The following DST variants were observed in gnomAD, a reference collection of about 807,000 sequenced individuals.
DST encodes bullous pemphigoid antigen.
A neutral mutation model predicts 875.2 loss-of-function variants in DST; 253 were observed. That is an observed-to-expected ratio of 0.29 (90% CI 0.26 to 0.32). The LOEUF is 0.32. Among genes scored for constraint, DST ranks in the 10% least tolerant of loss-of-function variants. DST has a pLI of 1.00. For synonymous variants in DST, 3,124 were observed against 3,197.1 expected, an observed-to-expected ratio of 0.98 and a Z score of 0.77; for missense variants, 8,287 against 9,111.6, an observed-to-expected ratio of 0.91 and a Z score of 3.68.
chr6:56,795,991 G>C (rs1191585370), intron 4 of DST, among the ~76,000 whole-genome samples: 2 of 152,158 alleles, frequency 1.3e-5, no homozygotes, highest in African/African-American at 2.4e-5. Context: ...TTGTAATCAA[G>C]TCTTGAGACC....
In DST at chr6:56,501,750, A is replaced by G. The variant is rs1392183113; in HGVS notation, c.19567-57T>C. On this transcript the variant is annotated intron_variant, in intron 78 of 103. Transcript: ENST00000680361. ...TGTTAAAAATCACTAACTCCAAACA[A>G]AGAAATCTATTGGTTATATCATTAT... is the stretch of plus-strand genomic sequence containing the variant. 2.3e-6 allele frequency: 3 copies of G among 1,279,280 alleles called. No homozygotes were observed. In the East Asian group the frequency reaches 7.7e-5, roughly 33 times the overall value. 79.2% of individuals were successfully genotyped at this position (1,279,280 alleles called of 1,614,324 possible). A position where few individuals can be genotyped will look rare whatever the true frequency, so the allele number is the denominator to read the frequency against.
intron 59 of DST, among the ~76,000 whole-genome samples, chr6:56,556,075 G>A (rs550604120): frequency 6.6e-6 from 1 of 152,078 alleles, no homozygotes; most frequent in East Asian, 1.9e-4. Context: ...GAAAAATATG[G>A]ACAAAATGAA....
At chr6:56,855,777 A>G (rs1416544340) in intron 3 of DST, among the ~76,000 whole-genome samples, 1 of 152,214 alleles carries the variant, frequency 6.6e-6, no homozygotes, top group Non-Finnish European at 1.5e-5. Context: ...ACACCATCCC[A>G]TGGCAGGGTA....
intron 10 of DST, among the ~76,000 whole-genome samples, chr6:56,659,910 G>A (rs2099029973): frequency 6.6e-6 from 1 of 152,204 alleles, no homozygotes; most frequent in Non-Finnish European, 1.5e-5. Context: ...CTTTGGGTAG[G>A]TGGAGAGAGG....
chr6:56,623,439 C>G (rs1203850820), intron 36 of DST, among the ~76,000 whole-genome samples: 1 of 151,930 alleles, frequency 6.6e-6, no homozygotes, highest in Non-Finnish European at 1.5e-5. Context: ...AAGATGGTCA[C>G]AAATATCCTG....
chr6:56,860,811 G>C (rs1562208517), intron 3 of DST, among the ~76,000 whole-genome samples: 1 of 152,136 alleles, frequency 6.6e-6, no homozygotes, highest in Non-Finnish European at 1.5e-5. Flanking sequence ...CTTAATAACA[G>C]CTCTCAGGAT....
At chr6:56,932,650 A>C (rs1312154575) in intron 2 of DST, among the ~76,000 whole-genome samples, 1 of 152,084 alleles carries the variant, frequency 6.6e-6, no homozygotes, top group African/African-American at 2.4e-5. Flanking sequence ...AGCCAACATC[A>C]AATATTCAAC....
chr6:56,592,970 T>G (rs1382502753), intron 48 of DST, among the ~76,000 whole-genome samples: 1 of 152,072 alleles, frequency 6.6e-6, no homozygotes, highest in Non-Finnish European at 1.5e-5. Flanking sequence ...AATAACATAC[T>G]GATCAAATAT....
intron 36 of DST, among the ~76,000 whole-genome samples, chr6:56,623,723 C>A (rs2098709827): frequency 6.6e-6 from 1 of 152,084 alleles, no homozygotes; most frequent in African/African-American, 2.4e-5. Context: ...AACATTCATT[C>A]TACTATTTTT....
intron 36 of DST, chr6:56,618,686 T>C (rs763964479): frequency 6.2e-6 from 10 of 1,613,820 alleles, no homozygotes; most frequent in Non-Finnish European, 7.6e-6. Flanking sequence ...GTTTTCTTGT[T>C]GAAGAGACAC....
At chr6:56,755,134 A>G (rs530932453) in intron 4 of DST, among the ~76,000 whole-genome samples, 3 of 101,976 alleles carry the variant, frequency 2.9e-5, no homozygotes, top group African/African-American at 1.1e-4. Context: ...TGAAGAAAAT[A>G]AAAAAAAAAA....
chr6:56,802,209 T>C (rs1471146298), intron 4 of DST, among the ~76,000 whole-genome samples: 3 of 152,164 alleles, frequency 2.0e-5, no homozygotes, highest in East Asian at 1.9e-4. Context: ...GAATTAACAA[T>C]ATGAGTACCC....
intron 3 of DST, chr6:56,871,533 G>C (rs550537090): frequency 3.9e-6 from 5 of 1,292,178 alleles, no homozygotes; most frequent in African/African-American, 1.5e-5. Context: ...TCTGGTCATT[G>C]AGCATATCCA....
At chr6:56,891,237 A>G (rs1787252089) in intron 3 of DST, among the ~76,000 whole-genome samples, 1 of 152,180 alleles carries the variant, frequency 6.6e-6, no homozygotes, top group African/African-American at 2.4e-5. Flanking sequence ...AGTCTCTCAG[A>G]CAACTGACAG....
chr6:56,716,592 G>A (rs1464836616), intron 5 of DST, among the ~76,000 whole-genome samples: 1 of 152,166 alleles, frequency 6.6e-6, no homozygotes, highest in Admixed American at 6.5e-5. Context: ...GCTCACAACT[G>A]TAATCCCAGC....
intron 58 of DST, among the ~76,000 whole-genome samples, chr6:56,558,309 C>G (rs1467819846): frequency 6.6e-6 from 1 of 152,092 alleles, no homozygotes; most frequent in Non-Finnish European, 1.5e-5. Flanking sequence ...GATAATTTAA[C>G]ACAATCCATC....
At chr6:56,903,666 G>A (rs973396657) in intron 2 of DST, among the ~76,000 whole-genome samples, 1 of 152,036 alleles carries the variant, frequency 6.6e-6, no homozygotes, top group Non-Finnish European at 1.5e-5. Context: ...CACCATGTTG[G>A]CCAGGCTGGT....
chr6:56,646,194 A>G lies in DST; in HGVS notation c.1555-12T>C. 7.1e-7 allele frequency: 1 copy of G among 1,406,796 alleles called. No homozygotes were observed. Among genetic ancestry groups the G allele is most frequent in the Non-Finnish European group, 9.6e-7 (1 of 1,039,334 alleles). The allele number at this position is 1,406,796 out of a possible 1,614,324, so 87.1% of individuals were successfully genotyped here. A position where few individuals can be genotyped will look rare whatever the true frequency, so the allele number is the denominator to read the frequency against. Reference sequence around the variant, plus strand: ...TGATTATAAAGTGCCTAAAATAAAAAGGACAAGAAATTAAGGACCAAACTT... The same window carrying G: ...TGATTATAAAGTGCCTAAAATAAAAGGGACAAGAAATTAAGGACCAAACTT... On this transcript the variant is annotated splice_polypyrimidine_tract_variant and intron_variant, in intron 13 of 103. Transcript: ENST00000680361.
chr6:56,776,461 T>C (rs2099679395), intron 4 of DST, among the ~76,000 whole-genome samples: 1 of 152,222 alleles, frequency 6.6e-6, no homozygotes, highest in African/African-American at 2.4e-5. Flanking sequence ...TTAGTTATGA[T>C]ACATGTACAT....
Sources: allele counts gnomAD v4.1 joint callset (sites outside exome capture counted in the v4.1 genomes callset), GRCh38; gene constraint gnomAD v4.1.1; transcripts MANE v1.5; gene names NCBI Gene and HGNC (gene_info 2026-07-23, HGNC 2026-07-21).